LAMA2: variants seen among roughly 807,000 people sequenced by gnomAD.
The protein encoded by LAMA2 is laminin subunit alpha 2.
A neutral mutation model predicts 364.8 loss-of-function variants in LAMA2; 269 were observed. The ratio of observed to expected loss-of-function variants is 0.74; its 90% CI spans 0.67 to 0.82. LAMA2 has a LOEUF of 0.82. Ranked by LOEUF, LAMA2 falls within the 40% of genes least tolerant of loss-of-function variation. The pLI, the probability that LAMA2 is intolerant of heterozygous loss-of-function variation, is 0.00. For missense variants in LAMA2, 3,807 were observed against 3,873.2 expected (o/e 0.98, Z 0.45); for synonymous variants, 1,379 against 1,370.6 (o/e 1.01, Z -0.14).
chr6:128,891,223 G>T (rs933365155), intron 1 of LAMA2, among the ~76,000 whole-genome samples: 8 of 152,104 alleles, frequency 5.3e-5, no homozygotes, highest in East Asian at 1.9e-4. Context: ...ATGGACCAAA[G>T]AATAAATTAT....
chr6:129,239,940 C>A (rs1367567353), intron 12 of LAMA2, among the ~76,000 whole-genome samples: 17 of 152,164 alleles, frequency 1.1e-4, no homozygotes, highest in Admixed American at 1.0e-3. Context: ...TGAAGTCCCA[C>A]AATAGGCCAT....
chr6:128,945,786 G>C (rs1780447243), intron 1 of LAMA2, among the ~76,000 whole-genome samples: 1 of 152,182 alleles, frequency 6.6e-6, no homozygotes, highest in Admixed American at 6.5e-5. Context: ...TGTTGAGTGT[G>C]ATTGGAGCCT....
intron 1 of LAMA2, among the ~76,000 whole-genome samples, chr6:128,989,896 T>C: frequency 6.6e-6 from 1 of 152,154 alleles, no homozygotes; most frequent in East Asian, 1.9e-4. Flanking sequence ...CACGTTTTTT[T>C]TCTGTAGCCT....
At chr6:129,314,960 T>A (rs915929647) in intron 24 of LAMA2, among the ~76,000 whole-genome samples, 162 bp downstream of exon 24, 1 of 152,118 alleles carries the variant, frequency 6.6e-6, no homozygotes, top group Non-Finnish European at 1.5e-5. Context: ...CATTAGAGAG[T>A]TGGAGTAAAT....
chr6:129,200,194 A>C, intron 12 of LAMA2, among the ~76,000 whole-genome samples: 1 of 141,084 alleles, frequency 7.1e-6, no homozygotes, highest in African/African-American at 2.6e-5. Flanking sequence ...GTGTATATAT[A>C]CATGTACACA....
intron 34 of LAMA2, among the ~76,000 whole-genome samples, chr6:129,371,235 A>G (rs1429247069): frequency 1.5e-5 from 2 of 134,988 alleles, no homozygotes; most frequent in Non-Finnish European, 3.2e-5. Flanking sequence ...TCTGTCTTCA[A>G]AGAACTTTGA....
chr6:128,924,336 T>C (rs1020052413), intron 1 of LAMA2, among the ~76,000 whole-genome samples: 1 of 152,166 alleles, frequency 6.6e-6, no homozygotes, highest in African/African-American at 2.4e-5. Flanking sequence ...CATAAAACTC[T>C]TTTCCATCCA....
At position 129,113,577 on chromosome 6, in the gene LAMA2, A is replaced by G. The variant is rs549805678; in HGVS notation, c.639+15162A>G. Among the ~76,000 whole-genome samples, 8 of 152,176 alleles carry G rather than the reference A, an allele frequency of 5.3e-5. 1 individual carries two copies. Among genetic ancestry groups the G allele is most frequent in the African/African-American group, 1.9e-4 (8 of 41,542 alleles). ...TTAATTCCATTAAGCAACATGGGCC[A>G]TTTAAATATAGGCAAAACAACAACA... On this transcript the variant is annotated intron_variant, in intron 4 of 64. Coordinates refer to ENST00000421865, the MANE Select transcript of LAMA2 (RefSeq NM_000426.4).
intron 12 of LAMA2, among the ~76,000 whole-genome samples, chr6:129,249,385 A>G (rs1274519279): frequency 6.6e-6 from 1 of 152,066 alleles, no homozygotes; most frequent in Admixed American, 6.6e-5. Flanking sequence ...TTGCTTTCCT[A>G]TTTTTTTCTG....
At chr6:129,231,851 G>A (rs1317816505) in intron 12 of LAMA2, among the ~76,000 whole-genome samples, 1 of 151,956 alleles carries the variant, frequency 6.6e-6, no homozygotes, top group African/African-American at 2.4e-5. Context: ...CAATTTAACT[G>A]CTTGAAGAAA....
chr6:128,967,138 G>A (rs1278862346), intron 1 of LAMA2, among the ~76,000 whole-genome samples: 2 of 152,246 alleles, frequency 1.3e-5, no homozygotes, highest in East Asian at 3.9e-4. Context: ...ATGCTTTCAG[G>A]CCTAGGCTCT....
Position 129,349,362 on chromosome 6 carries a change from T to C in LAMA2, c.4501T>C (p.Tyr1501His), listed in dbSNP as rs1245060901. Residue 1501 changes from tyrosine to histidine, a missense_variant, in exon 31 of 65, where the codon TAT becomes CAT. Tyr to His is a moderately conservative substitution (Grantham distance 83). Around this residue, in one of 3 missense-constraint regions of LAMA2, gnomAD observed 3,333 missense variants for 3,345.7 expected, o/e 1.00. Transcript: ENST00000421865. ...DYRCTACPRG[Y>H]EGQYCERCAP... ...CCGCTGCACGGCTTGTCCACGGGGA[T>C]ATGAAGGCCAGTACTGTGAAAGGTA... The C allele has an allele frequency of 6.2e-7, 1 of 1,613,480 alleles. No individual in the cohort carries two copies. Among genetic ancestry groups the C allele is most frequent in the Middle Eastern group, 1.7e-4 (1 of 6,060 alleles).
At chr6:128,891,104 G>T (rs1776426275) in intron 1 of LAMA2, among the ~76,000 whole-genome samples, 1 of 151,984 alleles carries the variant, frequency 6.6e-6, no homozygotes, top group Non-Finnish European at 1.5e-5. Flanking sequence ...TATGTTTTCT[G>T]TTTGATTTTT....
rs1782080482 is a variant in LAMA2, at chr6:129,440,951, A to G, written c.6221A>G (p.Asp2074Gly). 1 of 1,613,994 alleles carries G rather than the reference A, an allele frequency of 6.2e-7. No individual in the cohort carries two copies. Among genetic ancestry groups the G allele is most frequent in the Admixed American group, 1.7e-5 (1 of 59,990 alleles). Residue 2074 changes from aspartate to glycine, a missense_variant, in exon 43 of 65, where the codon GAC becomes GGC. This residue lies in a region of LAMA2 where 3,333 missense variants were observed against 3,345.7 expected (regional missense o/e 1.00). Transcript: ENST00000421865. ...GLKKNYNKLA[D>G]SVAKTNAVVK... The stretch of plus-strand genomic sequence containing the variant: ...AAGAAGAATTACAATAAACTAGCAG[A>G]CAGCGTCGCCAAAACGAATGCTGTG...
intron 29 of LAMA2, among the ~76,000 whole-genome samples, chr6:129,341,764 G>A (rs11154472): frequency 0.15 from 22,999 of 152,152 alleles, 2,211 homozygotes; most frequent in Non-Finnish European, 0.22. Context: ...AGGTGTTAAA[G>A]GGTATCACCC....
At chr6:129,505,872 T>C (rs1562632918) in intron 61 of LAMA2, among the ~76,000 whole-genome samples, 1 of 151,932 alleles carries the variant, frequency 6.6e-6, no homozygotes, top group Non-Finnish European at 1.5e-5. Context: ...TGAGAGACAA[T>C]GCCACGGAAC....
At chr6:129,286,328 T>A (rs1789118428) in intron 18 of LAMA2, among the ~76,000 whole-genome samples, 2 of 151,512 alleles carry the variant, frequency 1.3e-5, no homozygotes, top group Non-Finnish European at 2.9e-5. Flanking sequence ...CTTTGGCAAA[T>A]GTGGCTTAGT....
intron 1 of LAMA2, among the ~76,000 whole-genome samples, chr6:128,915,256 G>A (rs1778235855): frequency 6.6e-6 from 1 of 152,142 alleles, no homozygotes; most frequent in Admixed American, 6.5e-5. Flanking sequence ...CATAAACAAG[G>A]CAGAAAGGTT....
At chr6:129,237,644 G>C (rs1312088972) in intron 12 of LAMA2, among the ~76,000 whole-genome samples, 2 of 152,060 alleles carry the variant, frequency 1.3e-5, no homozygotes, top group Non-Finnish European at 2.9e-5. Flanking sequence ...GTGCCCAGCT[G>C]TTTCTCACAT....
Sources: gnomAD v4.1 joint callset for allele counts (sites outside exome capture counted in the v4.1 genomes callset) on GRCh38, gnomAD v4.1.1 for gene constraint, gnomAD v4.1.1 regional missense constraint, MANE v1.5 for transcripts, NCBI Gene and HGNC (gene_info 2026-07-23, HGNC 2026-07-21) for gene names.